The following GUF1 variants were observed in gnomAD, a reference collection of about 807,000 sequenced individuals.
GUF1 encodes the protein GTP binding elongation factor GUF1.
GUF1 carries 78 observed loss-of-function variants against 82.4 expected under a neutral mutation model. The ratio of observed to expected loss-of-function variants is 0.95; its 90% CI spans 0.79 to 1.14. GUF1 has a LOEUF of 1.14. Among genes scored for constraint, GUF1 ranks in the 50% most tolerant of loss-of-function variants. GUF1 has a pLI of 0.00. For synonymous variants in GUF1, 279 were observed against 282.3 expected, an observed-to-expected ratio of 0.99 and a Z score of 0.12; for missense variants, 814 against 798.2, an observed-to-expected ratio of 1.02 and a Z score of -0.24.
chr4:44,686,032 TTGG>T lies in GUF1; in HGVS notation c.734+12_734+14del. 6.3e-7 allele frequency: 1 copy of T among 1,574,828 alleles called. No homozygotes were observed. Among genetic ancestry groups the T allele is most frequent in the Non-Finnish European group, 8.7e-7 (1 of 1,145,714 alleles). ...ATTGAAAGAATCCCCCCGTGAGTAT[TTGG>T]TGATTTTTGTACTAGTTGTCTCTAT... On this transcript the variant is annotated intron_variant, in intron 7 of 16. Transcript: ENST00000281543.
chr4:44,698,505 G>A, intron 16 of GUF1, 39 bp from the exon 17 acceptor site: 1 of 1,506,644 alleles, frequency 6.6e-7, no homozygotes. Flanking sequence ...TTTCTCTTTA[G>A]AGTGACTTAG....
chr4:44,694,759 T>G (rs953479651), intron 14 of GUF1, among the ~76,000 whole-genome samples: 1 of 151,892 alleles, frequency 6.6e-6, no homozygotes, highest in Non-Finnish European at 1.5e-5. Flanking sequence ...AAAAAAGTTT[T>G]AAACATTTTA....
At position 44,678,721 on chromosome 4, in the gene GUF1, G is replaced by T. The variant is rs1321173929; in HGVS notation, c.99G>T (p.Ala33=). The change falls in exon 1 of 17, where the codon GCG becomes GCT. Residue 33 remains alanine (A), a synonymous_variant. Coordinates refer to ENST00000281543, the MANE Select transcript of GUF1 (RefSeq NM_021927.3). ...ALLVAPGPRS[A]PTLGAAPESW... The stretch of plus-strand genomic sequence containing the variant: ...TGGTGGCCCCGGGGCCCCGGTCCGC[G>T]CCGACCCTTGGGGCTGCTCCAGAGT... The T allele has an allele frequency of 1.3e-6, 2 of 1,517,276 alleles. No individual in the cohort carries two copies. Among genetic ancestry groups the T allele is most frequent in the Admixed American group, 2.6e-5 (1 of 37,898 alleles). 94.0% of individuals were successfully genotyped at this position (1,517,276 alleles called of 1,614,324 possible).
chr4:44,698,728 C>T lies in GUF1; in HGVS notation c.*47C>T, dbSNP rs1378417169. ...TTCATTGCAATTTGTAATATGCTGA[C>T]AACAGAAAGAAAATTATAAAATTTG... On this transcript the variant is annotated 3_prime_UTR_variant, in exon 17 of 17. Transcript: ENST00000281543. 6.7e-7 allele frequency: 1 copy of T among 1,500,060 alleles called. No homozygotes were observed. The highest frequency in any genetic ancestry group is 1.3e-5 in the South Asian group (1 of 79,542). 92.9% of individuals were successfully genotyped at this position (1,500,060 alleles called of 1,614,324 possible). A position where few individuals can be genotyped will look rare whatever the true frequency, so the allele number is the denominator to read the frequency against.
chr4:44,694,301 C>G, intron 13 of GUF1, 111 bp from the exon 14 acceptor site: 1 of 689,948 alleles, frequency 1.4e-6, no homozygotes, highest in Non-Finnish European at 2.6e-6. Context: ...AAACATATCT[C>G]TTTGGGGAGT....
chr4:44,689,196 C>A, intron 9 of GUF1, 90 bp from the exon 10 acceptor site: 1 of 1,173,940 alleles, frequency 8.5e-7, no homozygotes, highest in East Asian at 2.9e-5. Context: ...AGGTAAATGA[C>A]TAATTTGGAA....
chr4:44,686,830 T>A, intron 8 of GUF1, 117 bp downstream of exon 8: 1 of 692,298 alleles, frequency 1.4e-6, no homozygotes, highest in Non-Finnish European at 2.5e-6. Flanking sequence ...AAAAACTATT[T>A]AATGCAACTA....
At chr4:44,685,860 G>T in intron 6 of GUF1, 99 bp from the exon 7 acceptor site, 1 of 719,368 alleles carries the variant, frequency 1.4e-6, no homozygotes, top group Non-Finnish European at 2.4e-6. Context: ...ATAACTATTG[G>T]AATTTTTTTT....
chr4:44,694,381 A>G (rs548709877), intron 13 of GUF1, 31 bp from the exon 14 acceptor site: 1 of 1,306,384 alleles, frequency 7.7e-7, no homozygotes. Context: ...AGGAAGTGTA[A>G]TATTTATCAC....
Position 44,678,687 on chromosome 4 carries a change from C to T in GUF1, c.65C>T (p.Ala22Val), listed in dbSNP as rs777045421. 6.7e-7 allele frequency: 1 copy of T among 1,502,516 alleles called. No homozygotes were observed. Among genetic ancestry groups the T allele is most frequent in the Non-Finnish European group, 8.8e-7 (1 of 1,139,752 alleles). The allele number at this position is 1,502,516 out of a possible 1,614,324, so 93.1% of individuals were successfully genotyped here. ...GCTCTCGCGCCACGAGCCACTGGGG[C>T]CGCGCTTCTGGTGGCCCCGGGGCCC... ...ARALAPRATGAALLVAPGPRS... is the reference protein window; with the variant it reads ...ARALAPRATGVALLVAPGPRS... Residue 22 changes from alanine (A) to valine (V), a missense_variant, in exon 1 of 17, where the codon GCC becomes GTC. Ala to Val is a moderately conservative substitution (Grantham distance 64). Coordinates refer to ENST00000281543, the MANE Select transcript of GUF1 (RefSeq NM_021927.3).
At position 44,695,528 on chromosome 4, in the gene GUF1, C is replaced by G; in HGVS notation, c.1716-87C>G. The G allele has an allele frequency of 4.3e-6, 5 of 1,161,746 alleles. No individual in the cohort carries two copies. The South Asian group carries it at 7.4e-5, about 17-fold the overall frequency. 72.0% of individuals were successfully genotyped at this position (1,161,746 alleles called of 1,614,324 possible). On this transcript the variant is annotated intron_variant, in intron 14 of 16. Coordinates refer to ENST00000281543, the MANE Select transcript of GUF1 (RefSeq NM_021927.3). ...CATTTGAACCTCCTTAAGAGATCACCTTTACACTGATTATGCAACTGGCCT... is the reference window on the plus strand; with the variant it reads ...CATTTGAACCTCCTTAAGAGATCACGTTTACACTGATTATGCAACTGGCCT...
At chr4:44,695,095 C>T (rs112354641) in intron 14 of GUF1, among the ~76,000 whole-genome samples, 2 of 152,224 alleles carry the variant, frequency 1.3e-5, no homozygotes, top group East Asian at 1.9e-4. Context: ...TAAGCCACCG[C>T]GCCCTTTTAT....
intron 10 of GUF1, among the ~76,000 whole-genome samples, chr4:44,689,627 C>T (rs1176567387): frequency 6.6e-6 from 1 of 151,656 alleles, no homozygotes; most frequent in African/African-American, 2.4e-5. Flanking sequence ...TGCGGATTGA[C>T]ATTTTATGGG....
In GUF1 at chr4:44,689,426, T is replaced by C; in HGVS notation, c.1202+17T>C. On this transcript the variant is annotated intron_variant, in intron 10 of 16. Coordinates refer to ENST00000281543, the MANE Select transcript of GUF1 (RefSeq NM_021927.3). ...TGGCTGGAGGTAAGATTCATTCACA[T>C]GTGTTTTATAGGAAAGGGAGGTGTA... The C allele has an allele frequency of 6.3e-7, 1 of 1,594,014 alleles. No homozygotes were observed. The highest frequency in any genetic ancestry group is 8.5e-7 in the Non-Finnish European group (1 of 1,170,526).
intron 13 of GUF1, among the ~76,000 whole-genome samples, chr4:44,693,337 A>G (rs1186293234): frequency 6.6e-6 from 1 of 152,030 alleles, no homozygotes; most frequent in Non-Finnish European, 1.5e-5. Flanking sequence ...TGAAAAAATG[A>G]GTTAAGAAAT....
At chr4:44,678,852 G>A in intron 1 of GUF1, 65 bp downstream of exon 1, 2 of 1,470,252 alleles carry the variant, frequency 1.4e-6, no homozygotes, top group Non-Finnish European at 1.8e-6. Flanking sequence ...ATGCGATCTT[G>A]GACATGTATA....
chr4:44,693,010 C>G (rs1373024630), intron 13 of GUF1, among the ~76,000 whole-genome samples: 1 of 152,048 alleles, frequency 6.6e-6, no homozygotes, highest in African/African-American at 2.4e-5. Flanking sequence ...AATGAGAGAA[C>G]ATGATTTATT....
At chr4:44,690,596 T>C (rs1715370306) in intron 11 of GUF1, 121 bp from the exon 12 acceptor site, 1 of 567,846 alleles carries the variant, frequency 1.8e-6, no homozygotes, top group Non-Finnish European at 3.1e-6. Flanking sequence ...TATTGTTTAC[T>C]AATACTTGTT....
chr4:44,686,455 T>G (rs1715054821), intron 7 of GUF1, 55 bp from the exon 8 acceptor site: 3 of 1,081,618 alleles, frequency 2.8e-6, no homozygotes, highest in Middle Eastern at 2.9e-4. Context: ...AATAAGAATT[T>G]TATTAAGATT....
Sources: gnomAD v4.1 joint callset for allele counts (sites outside exome capture counted in the v4.1 genomes callset) on GRCh38, gnomAD v4.1.1 for gene constraint, MANE v1.5 for transcripts, NCBI Gene and HGNC (gene_info 2026-07-23, HGNC 2026-07-21) for gene names.